Variants in PNLIPRP3 observed in about 807,000 individuals in gnomAD.
PNLIPRP3 encodes pancreatic lipase-related protein 3.
Under a neutral mutation model 52.8 loss-of-function variants are expected in PNLIPRP3, and 58 were observed. The observed-to-expected ratio is 1.10, with a 90% CI of 0.89 to 1.37. The LOEUF (loss-of-function observed/expected upper bound fraction) is 1.37, where lower values mean the gene tolerates loss of function less well. Among genes scored for constraint, PNLIPRP3 ranks in the 40% most tolerant of loss-of-function variants. PNLIPRP3 has a pLI of 0.00. For missense variants in PNLIPRP3, 593 were observed against 561.6 expected, an observed-to-expected ratio of 1.06 and a Z score of -0.57; for synonymous variants, 192 against 185.0, an observed-to-expected ratio of 1.04 and a Z score of -0.31.
At chr10:116,476,581 C>G (rs570679414) in intron 10 of PNLIPRP3, 71 bp from the exon 11 acceptor site, 3 of 1,260,546 alleles carry the variant, frequency 2.4e-6, no homozygotes, top group African/African-American at 3.1e-5. Context: ...AGTGCATACA[C>G]AGATGTGTTT....
chr10:116,439,422 C>G, intron 2 of PNLIPRP3: 1 of 594,458 alleles, frequency 1.7e-6, no homozygotes, highest in Non-Finnish European at 3.0e-6. Flanking sequence ...CTCCCCTACT[C>G]TAAGTATTCA....
chr10:116,436,929 A>T, intron 2 of PNLIPRP3, 64 bp downstream of exon 2: 1 of 1,428,510 alleles, frequency 7.0e-7, no homozygotes, highest in African/African-American at 1.4e-5. Context: ...CTATAGATAC[A>T]GAAGACATAG....
rs760605429 is a variant in PNLIPRP3, at chr10:116,436,837, A to C, written c.176A>C (p.Tyr59Ser). 6.2e-7 allele frequency: 1 copy of C among 1,609,172 alleles called. No individual in the cohort carries two copies. ...PEKINTRFLL[Y>S]TIHNPNAYQE... is the part of the protein sequence containing the mutation. ...AAGATAAACACTCGTTTCCTGCTCT[A>C]CACTATACACAATCCCAATGCCTAT... The change falls in exon 2 of 12, where the codon TAC (tyrosine) becomes TCC (serine). Residue 59 changes from tyrosine (Y) to serine (S), a missense_variant. Tyr to Ser is a moderately radical substitution (Grantham distance 144). Coordinates refer to ENST00000369230, the MANE Select transcript of PNLIPRP3 (RefSeq NM_001011709.3).
chr10:116,447,369 G>A (rs1363369817), intron 4 of PNLIPRP3, among the ~76,000 whole-genome samples: 1 of 152,112 alleles, frequency 6.6e-6, no homozygotes, highest in Non-Finnish European at 1.5e-5. Context: ...GAACACCCTC[G>A]CAGAGGTGGC....
chr10:116,474,166 G>A (rs1031112893), intron 10 of PNLIPRP3, among the ~76,000 whole-genome samples: 1 of 152,054 alleles, frequency 6.6e-6, no homozygotes, highest in Non-Finnish European at 1.5e-5. Flanking sequence ...TCTGATCTCT[G>A]ACAAACCTGT....
At chr10:116,456,944 T>C (rs1846124808) in intron 5 of PNLIPRP3, among the ~76,000 whole-genome samples, 1 of 152,238 alleles carries the variant, frequency 6.6e-6, no homozygotes, top group African/African-American at 2.4e-5. Context: ...CAGGCTTATC[T>C]TTCCAGGTGC....
At chr10:116,468,560 A>G (rs1401715378) in intron 8 of PNLIPRP3, among the ~76,000 whole-genome samples, 9 of 152,188 alleles carry the variant, frequency 5.9e-5, no homozygotes, top group Non-Finnish European at 8.8e-5. Context: ...CCAATCACCA[A>G]AAAAGGTCAA....
intron 9 of PNLIPRP3, among the ~76,000 whole-genome samples, chr10:116,470,802 C>T (rs1378116132): frequency 6.6e-6 from 1 of 152,154 alleles, no homozygotes; most frequent in Non-Finnish European, 1.5e-5. Context: ...GGCCCCGAGC[C>T]CGGCCCACAC....
chr10:116,473,465 T>C (rs1297494073), intron 10 of PNLIPRP3, among the ~76,000 whole-genome samples: 1 of 152,232 alleles, frequency 6.6e-6, no homozygotes, highest in East Asian at 1.9e-4. Flanking sequence ...ATATTTTTAC[T>C]TGTGCAACTC....
At chr10:116,473,673 C>G (rs922647086) in intron 10 of PNLIPRP3, among the ~76,000 whole-genome samples, 1 of 151,998 alleles carries the variant, frequency 6.6e-6, no homozygotes, top group Non-Finnish European at 1.5e-5. Flanking sequence ...AGGTGCCCAC[C>G]ACCATGCCTG....
intron 4 of PNLIPRP3, among the ~76,000 whole-genome samples, chr10:116,444,867 A>C (rs1381595604): frequency 6.6e-6 from 1 of 152,218 alleles, no homozygotes. Context: ...TTATTTGTTT[A>C]GAATATGACA....
intron 2 of PNLIPRP3, chr10:116,440,064 T>C: frequency 1.4e-6 from 1 of 709,368 alleles, no homozygotes; most frequent in Non-Finnish European, 2.5e-6. Flanking sequence ...TATTGTTCGC[T>C]AGTAGATCAA....
At chr10:116,429,321 T>C (rs1275941556) in intron 1 of PNLIPRP3, among the ~76,000 whole-genome samples, 1 of 152,154 alleles carries the variant, frequency 6.6e-6, no homozygotes, top group African/African-American at 2.4e-5. Flanking sequence ...TATGCAAACA[T>C]TCCAAAACAC....
At chr10:116,429,161 C>T (rs185776659) in intron 1 of PNLIPRP3, among the ~76,000 whole-genome samples, 10 of 152,210 alleles carry the variant, frequency 6.6e-5, no homozygotes, top group Admixed American at 2.6e-4. Flanking sequence ...ATTTCACATA[C>T]AAATACTTAA....
In PNLIPRP3 at chr10:116,436,879, C is replaced by T; in HGVS notation, c.204+14C>T. The T allele has an allele frequency of 1.9e-6, 3 of 1,565,558 alleles. No individual in the cohort carries two copies. The highest frequency in any genetic ancestry group is 2.3e-5 in the East Asian group (1 of 44,126). ...AATGCCTATCAGGTAAGCTAACTTG[C>T]AGCCTTCACACATGGATTATTCTAA... On this transcript the variant is annotated intron_variant, in intron 2 of 11. Coordinates refer to ENST00000369230, the MANE Select transcript of PNLIPRP3 (RefSeq NM_001011709.3).
chr10:116,452,100 G>C (rs1589982501), intron 4 of PNLIPRP3, among the ~76,000 whole-genome samples: 1 of 152,198 alleles, frequency 6.6e-6, no homozygotes, highest in African/African-American at 2.4e-5. Context: ...ACTGGAGTAA[G>C]GGTCACCCAT....
intron 4 of PNLIPRP3, among the ~76,000 whole-genome samples, chr10:116,446,420 C>A (rs1482777382): frequency 6.7e-6 from 1 of 149,602 alleles, no homozygotes; most frequent in Non-Finnish European, 1.5e-5. Context: ...ATGTAGCATT[C>A]ATTGGCAGTT....
At chr10:116,444,565 A>G (rs1236269506) in intron 4 of PNLIPRP3, 52 bp downstream of exon 4, 1 of 1,540,300 alleles carries the variant, frequency 6.5e-7, no homozygotes, top group Non-Finnish European at 8.9e-7. Flanking sequence ...TTGGATATTA[A>G]CACTCAGAAG....
chr10:116,431,672 A>G (rs1845711234), intron 1 of PNLIPRP3, among the ~76,000 whole-genome samples: 2 of 152,190 alleles, frequency 1.3e-5, no homozygotes, highest in South Asian at 2.1e-4. Flanking sequence ...ACTGCAAACT[A>G]GAAAACAAAT....
Sources: allele counts gnomAD v4.1 joint callset (sites outside exome capture counted in the v4.1 genomes callset), GRCh38; gene constraint gnomAD v4.1.1; transcripts MANE v1.5; gene names NCBI Gene and HGNC (gene_info 2026-07-23, HGNC 2026-07-21).